The following SLCO3A1 variants were observed in gnomAD, a reference collection of about 807,000 sequenced individuals.
SLCO3A1 encodes solute carrier organic anion transporter family member 3A1.
In SLCO3A1, 27 loss-of-function variants were observed where a neutral mutation model predicts 63.1. The observed-to-expected ratio is 0.43, with a 90% confidence interval of 0.32 to 0.59. The LOEUF (loss-of-function observed/expected upper bound fraction) is 0.59. Among genes scored for constraint, SLCO3A1 ranks in the 20% least tolerant of loss-of-function variants. The probability of loss-of-function intolerance (pLI) is 0.09; values close to 1 mark genes in which losing one functional copy is unlikely to be tolerated. For synonymous variants in SLCO3A1, 473 were observed against 409.9 expected (o/e 1.15, Z -1.86); for missense variants, 773 against 945.8 (o/e 0.82, Z 2.40).
chr15:92,163,159 G>GTATT lies in SLCO3A1; in HGVS notation c.*25_*28dup, dbSNP rs766737149. The GTATT allele has an allele frequency of 6.9e-7, 1 of 1,459,808 alleles. No homozygotes were observed. Among genetic ancestry groups the GTATT allele is most frequent in the African/African-American group, 1.4e-5 (1 of 69,606 alleles). 90.4% of individuals were successfully genotyped at this position (1,459,808 alleles called of 1,614,324 possible). On this transcript the variant is annotated 3_prime_UTR_variant, in exon 10 of 10. Transcript: ENST00000318445. Reference sequence around the variant, plus strand: ...AGTGACTAAAGGAGGGCTGAACTCTGTATTAGTAATCCAAGGGTCATTTTT... The same window carrying GTATT: ...AGTGACTAAAGGAGGGCTGAACTCTGTATTTATTAGTAATCCAAGGGTCATTTTT...
chr15:91,882,676 C>T lies in SLCO3A1; in HGVS notation c.180+28588C>T, dbSNP rs756561388. ...ACCACAGGCGTATGCACCACCACCA[C>T]GTCCAGCTAACTTTTTTGTATTTTT... On this transcript the variant is annotated intron_variant, in intron 1 of 9. Transcript: ENST00000318445. The surrounding 1 kb of genome is among the most constrained non-coding windows in gnomAD (Gnocchi z 4.4). Among the ~76,000 whole-genome samples, 10 of 152,122 alleles carry T rather than the reference C, an allele frequency of 6.6e-5. No homozygotes were observed. Among genetic ancestry groups the T allele is most frequent in the African/African-American group, 2.2e-4 (9 of 41,430 alleles).
intron 1 of SLCO3A1, among the ~76,000 whole-genome samples, chr15:91,878,299 G>A (rs1030977703): frequency 2.0e-5 from 3 of 151,920 alleles, no homozygotes; most frequent in Non-Finnish European, 4.4e-5. Flanking sequence ...GGCCAGGCTG[G>A]TCTCAGGTGA....
At chr15:91,890,381 G>A (rs931179372) in intron 1 of SLCO3A1, among the ~76,000 whole-genome samples, 1 of 152,132 alleles carries the variant, frequency 6.6e-6, no homozygotes, top group Non-Finnish European at 1.5e-5. Context: ...CAGCTTGCAG[G>A]AAACATATAT....
At chr15:92,094,779 ATC>A in intron 2 of SLCO3A1, 100 bp from the exon 3 acceptor site, 1 of 723,122 alleles carries the variant, frequency 1.4e-6, no homozygotes, top group Non-Finnish European at 2.4e-6. Context: ...TCCTAATGTC[ATC>A]TCATCTCATC....
intron 2 of SLCO3A1, among the ~76,000 whole-genome samples, chr15:92,040,235 A>G (rs2046781427): frequency 6.6e-6 from 1 of 152,220 alleles, no homozygotes; most frequent in Admixed American, 6.5e-5. Context: ...TAAAGGGCGC[A>G]TGCAATTTGG....
chr15:92,105,588 G>A (rs1381630183), intron 4 of SLCO3A1, among the ~76,000 whole-genome samples: 2 of 152,190 alleles, frequency 1.3e-5, no homozygotes, highest in African/African-American at 4.8e-5. Flanking sequence ...GGAGCTGAAT[G>A]TAGCCTGGCA....
intron 2 of SLCO3A1, among the ~76,000 whole-genome samples, chr15:92,019,960 A>C (rs1472663030): frequency 6.6e-6 from 1 of 152,130 alleles, no homozygotes; most frequent in Non-Finnish European, 1.5e-5. Flanking sequence ...ATCAAAGCCC[A>C]AGGCTCGTGG....
intron 2 of SLCO3A1, among the ~76,000 whole-genome samples, chr15:91,978,852 G>A (rs111270175): frequency 6.6e-6 from 1 of 152,228 alleles, no homozygotes; most frequent in East Asian, 1.9e-4. Context: ...TGGCCCACGG[G>A]CCAAATCCTA....
At chr15:92,104,126 A>G (rs1356162991) in intron 3 of SLCO3A1, among the ~76,000 whole-genome samples, 153 bp from the exon 4 acceptor site, 1 of 152,188 alleles carries the variant, frequency 6.6e-6, no homozygotes, top group African/African-American at 2.4e-5. Context: ...CTGGTGTGGA[A>G]CAATAGGCTT....
rs1898519512 is a variant in SLCO3A1 at position 91,912,553 on chromosome 15, T to C, written c.181-3440T>C. Among the ~76,000 whole-genome samples the C allele has an allele frequency of 6.6e-6, 1 of 152,236 alleles. No homozygotes were observed. Among genetic ancestry groups the C allele is most frequent in the Non-Finnish European group, 1.5e-5 (1 of 68,038 alleles). On this transcript the variant is annotated intron_variant, in intron 1 of 9. Transcript: ENST00000318445. This position sits in a 1 kb window ranked among gnomAD's most constrained non-coding sequence, Gnocchi z 5.0. ...TGTCTCTGTCCCAATCACCCTTATC[T>C]GTCATCAATGTGCACACCTGCATGA...
chr15:92,001,827 C>CTTTTTT (rs59951621), intron 2 of SLCO3A1, among the ~76,000 whole-genome samples: 17 of 80,106 alleles, frequency 2.1e-4, no homozygotes, highest in Non-Finnish European at 3.2e-4. Flanking sequence ...TGTGTGAGTT[C>CTTTTTT]TTTTTTTTTT....
chr15:92,141,025 G>C (rs544905672), intron 7 of SLCO3A1, among the ~76,000 whole-genome samples: 1 of 152,296 alleles, frequency 6.6e-6, no homozygotes, highest in African/African-American at 2.4e-5. Flanking sequence ...GAACGGACAA[G>C]CCTGTTCCCC....
intron 2 of SLCO3A1, among the ~76,000 whole-genome samples, chr15:91,946,972 G>A (rs1899828303): frequency 6.6e-6 from 1 of 152,200 alleles, no homozygotes; most frequent in Non-Finnish European, 1.5e-5. Context: ...TCCAAGACAG[G>A]ATGAGTCAAT....
At chr15:92,061,052 C>G (rs929370746) in intron 2 of SLCO3A1, among the ~76,000 whole-genome samples, 4 of 152,192 alleles carry the variant, frequency 2.6e-5, no homozygotes, top group African/African-American at 4.8e-5. Flanking sequence ...CAGGCACTGT[C>G]TCATATTTTG....
At chr15:91,890,388 A>G (rs904729452) in intron 1 of SLCO3A1, among the ~76,000 whole-genome samples, 5 of 152,116 alleles carry the variant, frequency 3.3e-5, no homozygotes, top group South Asian at 2.1e-4. Flanking sequence ...CAGGAAACAT[A>G]TATTATATCC....
chr15:92,106,127 G>T (rs1170834095), intron 4 of SLCO3A1, among the ~76,000 whole-genome samples: 4 of 152,230 alleles, frequency 2.6e-5, no homozygotes, highest in Non-Finnish European at 5.9e-5. Flanking sequence ...GTACCTGTTA[G>T]TCCATGAGAA....
chr15:91,979,416 G>A (rs534291775), intron 2 of SLCO3A1, among the ~76,000 whole-genome samples: 7 of 152,184 alleles, frequency 4.6e-5, no homozygotes, highest in Non-Finnish European at 1.0e-4. Context: ...TTCTCCACTT[G>A]GCAGTACTCA....
intron 2 of SLCO3A1, among the ~76,000 whole-genome samples, chr15:92,016,288 T>C (rs1229170949): frequency 1.1e-5 from 1 of 93,904 alleles, no homozygotes; most frequent in Non-Finnish European, 2.4e-5. Flanking sequence ...ATAGATGTTA[T>C]AGATATATAT....
In SLCO3A1 at chr15:92,164,446, C is replaced by T; in HGVS notation, c.*1311C>T. 8 of 985,466 alleles carry T rather than the reference C, an allele frequency of 8.1e-6. No homozygotes were observed. The highest frequency in any genetic ancestry group is 8.4e-6 in the Non-Finnish European group (7 of 829,932). 61.0% of individuals were successfully genotyped at this position (985,466 alleles called of 1,614,324 possible). A position where few individuals can be genotyped will look rare whatever the true frequency, so the allele number is the denominator to read the frequency against. ...TTCCTTCCCCATGATTCAGTGATCA[C>T]TGTCACGGGAAACCCTTTTATATTC... On this transcript the variant is annotated 3_prime_UTR_variant, in exon 10 of 10. Transcript: ENST00000318445.
Sources: gnomAD v4.1 joint callset for allele counts (sites outside exome capture counted in the v4.1 genomes callset) on GRCh38, gnomAD v4.1.1 for gene constraint, Gnocchi (gnomAD v3.1) non-coding constraint, MANE v1.5 for transcripts, NCBI Gene and HGNC (gene_info 2026-07-23, HGNC 2026-07-21) for gene names.